The following KLHDC10 variants were observed in gnomAD, a reference collection of about 807,000 sequenced individuals.
The protein encoded by KLHDC10 is kelch domain-containing protein 10.
In KLHDC10, 24 loss-of-function variants were observed where a neutral mutation model predicts 56.1. The ratio of observed to expected loss-of-function variants is 0.43; its 90% CI spans 0.31 to 0.60. The LOEUF is 0.60. Among genes scored for constraint, KLHDC10 ranks in the 20% least tolerant of loss-of-function variants. KLHDC10 has a pLI of 0.11. For synonymous variants in KLHDC10, 188 were observed against 207.1 expected (o/e 0.91, Z 0.79); for missense variants, 349 against 567.0 (o/e 0.62, Z 3.91).
chr7:130,124,911 G>T (rs890919403), intron 6 of KLHDC10, among the ~76,000 whole-genome samples: 2 of 152,122 alleles, frequency 1.3e-5, no homozygotes, highest in Admixed American at 6.5e-5. Context: ...GGCTTGTTTA[G>T]GGTTGCACGT....
intron 6 of KLHDC10, among the ~76,000 whole-genome samples, chr7:130,125,088 C>T (rs1358529877): frequency 6.6e-6 from 1 of 152,176 alleles, no homozygotes; most frequent in Non-Finnish European, 1.5e-5. Context: ...AAACTGAATT[C>T]CCACATTCCC....
rs534441229 is a variant in KLHDC10, at chr7:130,133,601, G to A, written c.*2855G>A. The A allele has an allele frequency of 5.1e-4, 78 of 152,204 alleles. No individual in the cohort carries two copies. Among genetic ancestry groups the A allele is most frequent in the African/African-American group, 1.8e-3 (73 of 41,518 alleles). The allele number at this position is 152,204 out of a possible 1,614,324, so 9.4% of individuals were successfully genotyped here. On this transcript the variant is annotated 3_prime_UTR_variant, in exon 10 of 10. Transcript: ENST00000335420. Reference sequence around the variant, plus strand: ...TTACTCCAACTCTTAGAGACTCATTGTTCCTTAGGTTTGTTAGAGTTGAGA... The same window carrying A: ...TTACTCCAACTCTTAGAGACTCATTATTCCTTAGGTTTGTTAGAGTTGAGA...
chr7:130,110,785 A>G (rs1368285247), intron 2 of KLHDC10, among the ~76,000 whole-genome samples: 1 of 152,176 alleles, frequency 6.6e-6, no homozygotes, highest in Non-Finnish European at 1.5e-5. Flanking sequence ...TTTTAATAAT[A>G]AGTTTTTTTT....
At position 130,097,011 on chromosome 7, in the gene KLHDC10, G is replaced by C. The variant is rs769551823; in HGVS notation, c.253+4G>C. The stretch of plus-strand genomic sequence containing the variant: ...ATCCCTAACAGGTTTTTGAGAGGTG[G>C]GTGATAATTAGCAAGAGATCTGTGC... On this transcript the variant is annotated splice_donor_region_variant and intron_variant, in intron 2 of 9. Transcript: ENST00000335420. 74 of 1,593,088 alleles carry C rather than the reference G, an allele frequency of 4.6e-5. No homozygotes were observed. The highest frequency in any genetic ancestry group is 5.4e-5 in the Non-Finnish European group (63 of 1,164,704).
intron 1 of KLHDC10, among the ~76,000 whole-genome samples, chr7:130,077,269 T>C (rs1795518198): frequency 7.1e-6 from 1 of 141,572 alleles, no homozygotes; most frequent in South Asian, 2.2e-4. Flanking sequence ...GCAGGAGAAT[T>C]GTTGAACCTG....
Position 130,131,740 on chromosome 7 carries a change from G to A in KLHDC10, c.*994G>A, listed in dbSNP as rs1312859808. ...GGGCTTGTTAACTTGGCTTCCACTC[G>A]GGCTGTGGTCTTTGGCTATCATCTT... On this transcript the variant is annotated 3_prime_UTR_variant, in exon 10 of 10. Coordinates refer to ENST00000335420, the MANE Select transcript of KLHDC10 (RefSeq NM_014997.4). 1 of 152,134 alleles carries A rather than the reference G, an allele frequency of 6.6e-6. No individual in the cohort carries two copies. Among genetic ancestry groups the A allele is most frequent in the African/African-American group, 2.4e-5 (1 of 41,410 alleles). The allele number at this position is 152,134 out of a possible 1,614,324, so 9.4% of individuals were successfully genotyped here.
intron 1 of KLHDC10, among the ~76,000 whole-genome samples, chr7:130,080,772 C>T (rs1795592108): frequency 6.6e-6 from 1 of 152,032 alleles, no homozygotes; most frequent in African/African-American, 2.4e-5. Flanking sequence ...TTTATGTTAT[C>T]CTAGAAAATC....
intron 2 of KLHDC10, among the ~76,000 whole-genome samples, chr7:130,101,392 A>G (rs1174945819): frequency 1.3e-5 from 2 of 152,232 alleles, no homozygotes; most frequent in Non-Finnish European, 2.9e-5. Context: ...CTCCTGTTGC[A>G]TGGTGGAAGT....
intron 2 of KLHDC10, among the ~76,000 whole-genome samples, chr7:130,108,455 C>G (rs1213143285): frequency 1.3e-5 from 2 of 151,072 alleles, no homozygotes; most frequent in East Asian, 2.0e-4. Context: ...GTAATCCCAG[C>G]ACTGTGGGAG....
At chr7:130,128,889 A>AAAAATATATATATAT in intron 8 of KLHDC10, among the ~76,000 whole-genome samples, 3 of 66,956 alleles carry the variant, frequency 4.5e-5, no homozygotes, top group African/African-American at 2.2e-4. Flanking sequence ...AAAAAAAAAA[A>AAAAATATATATATAT]ATATATATAT....
At chr7:130,127,755 A>G (rs773595845) in intron 8 of KLHDC10, among the ~76,000 whole-genome samples, 5 of 152,234 alleles carry the variant, frequency 3.3e-5, no homozygotes, top group Non-Finnish European at 7.3e-5. Flanking sequence ...ATGGTGGCTA[A>G]TACTAATAAT....
chr7:130,121,215 C>T (rs1041631796), intron 4 of KLHDC10, among the ~76,000 whole-genome samples: 1 of 152,056 alleles, frequency 6.6e-6, no homozygotes, highest in Non-Finnish European at 1.5e-5. Context: ...CCCTCACCCC[C>T]CGTGAGAGAT....
chr7:130,128,891 T>A (rs4493849), intron 8 of KLHDC10, among the ~76,000 whole-genome samples: 7,376 of 37,342 alleles, frequency 0.2, 414 homozygotes, highest in African/African-American at 0.24. Context: ...AAAAAAAAAA[T>A]ATATATATAT....
At chr7:130,080,999 C>CTT (rs966845024) in intron 1 of KLHDC10, among the ~76,000 whole-genome samples, 10,516 of 131,856 alleles carry the variant, frequency 0.08, 714 homozygotes, top group African/African-American at 0.16. Flanking sequence ...TTTCAGTTTT[C>CTT]TTTTTTTTTT....
At chr7:130,097,598 A>G (rs892265923) in intron 2 of KLHDC10, among the ~76,000 whole-genome samples, 2 of 152,164 alleles carry the variant, frequency 1.3e-5, no homozygotes, top group East Asian at 1.9e-4. Flanking sequence ...TATTTTTACT[A>G]TTATTATAAA....
At position 130,130,782 on chromosome 7, in the gene KLHDC10, A is replaced by C. The variant is rs747587208; in HGVS notation, c.*36A>C. 1.3e-6 allele frequency: 2 copies of C among 1,582,642 alleles called. No homozygotes were observed. Among genetic ancestry groups the C allele is most frequent in the Admixed American group, 1.7e-5 (1 of 59,928 alleles). ...ACTGTTCATTGATACTGGAAATGTT[A>C]ATTTAAAGAGACTCCTTTATTTATG... On this transcript the variant is annotated 3_prime_UTR_variant, in exon 10 of 10. Transcript: ENST00000335420. This position sits in a 1 kb window ranked among gnomAD's most constrained non-coding sequence, Gnocchi z 4.2.
At position 130,070,727 on chromosome 7, in the gene KLHDC10, C is replaced by CGGGGGCAGT; in HGVS notation, c.93_101dup (p.Ser34_Gly36dup). Reference sequence around the variant, plus strand: ...CTGGTGGCGGAGGTAGCGGGGCCGGCGGGGGCAGTGGGGGCAGCGGGGGTC... The same window carrying CGGGGGCAGT: ...CTGGTGGCGGAGGTAGCGGGGCCGGCGGGGGCAGTGGGGGCAGTGGGGGCAGCGGGGGTC... On this transcript the variant is annotated inframe_insertion, in exon 1 of 10. Transcript: ENST00000335420. 1.8e-6 allele frequency: 1 copy of CGGGGGCAGT among 543,680 alleles called. No homozygotes were observed. Among genetic ancestry groups the CGGGGGCAGT allele is most frequent in the Non-Finnish European group, 2.7e-6 (1 of 366,250 alleles). The allele number at this position is 543,680 out of a possible 1,614,324, so 33.7% of individuals were successfully genotyped here.
intron 2 of KLHDC10, among the ~76,000 whole-genome samples, chr7:130,110,849 TGTAA>T (rs1451257457): frequency 9.8e-5 from 15 of 152,344 alleles, no homozygotes; most frequent in African/African-American, 1.9e-4. Flanking sequence ...GGCTACATCT[TGTAA>T]GTAATAGACT....
Position 130,081,950 on chromosome 7 carries a change from G to A in KLHDC10, c.166+11141G>A, listed in dbSNP as rs113199768. Among the ~76,000 whole-genome samples, 356 of 150,340 alleles carry A rather than the reference G, an allele frequency of 2.4e-3. 1 individual carries two copies. Among genetic ancestry groups the A allele is most frequent in the African/African-American group, 8.2e-3 (338 of 41,116 alleles). On this transcript the variant is annotated intron_variant, in intron 1 of 9. Transcript: ENST00000335420. ...TTCTGGACTTGAGACATTAGTTTTT[G>A]TAAAACCTGTTGTCTCCCACCCCCT...
Sources: gnomAD v4.1 joint callset for allele counts (sites outside exome capture counted in the v4.1 genomes callset) on GRCh38, gnomAD v4.1.1 for gene constraint, Gnocchi (gnomAD v3.1) non-coding constraint, MANE v1.5 for transcripts, NCBI Gene and HGNC (gene_info 2026-07-23, HGNC 2026-07-21) for gene names.